The following DNAH6 variants were observed in gnomAD, a reference collection of about 807,000 sequenced individuals.
DNAH6 encodes the protein axonemal beta dynein heavy chain 6.
In DNAH6, 340 loss-of-function variants were observed where a neutral mutation model predicts 491.4. The observed-to-expected ratio is 0.69, with a 90% CI of 0.63 to 0.76. The LOEUF (loss-of-function observed/expected upper bound fraction) is 0.76. Ranked by LOEUF, DNAH6 falls within the 30% of genes least tolerant of loss-of-function variation. The pLI is 0.00. For missense variants in DNAH6, 4,443 were observed against 4,972.2 expected (o/e 0.89, Z 3.20); for synonymous variants, 1,603 against 1,686.1 (o/e 0.95, Z 1.21).
intron 37 of DNAH6, among the ~76,000 whole-genome samples, chr2:84,660,200 AAAC>A (rs1244113211): frequency 6.6e-6 from 1 of 152,186 alleles, no homozygotes; most frequent in African/African-American, 2.4e-5. Flanking sequence ...GGAAAATACA[AAAC>A]AACTATTTTA....
intron 67 of DNAH6, 86 bp from the exon 68 acceptor site, chr2:84,787,078 T>C: frequency 9.3e-7 from 1 of 1,075,620 alleles, no homozygotes; most frequent in African/African-American, 1.6e-5. Flanking sequence ...CCATTTTCAA[T>C]GGAAATTTCT....
intron 18 of DNAH6, among the ~76,000 whole-genome samples, chr2:84,600,289 C>T (rs58927357): frequency 0.041 from 6,186 of 152,158 alleles, 410 homozygotes; most frequent in African/African-American, 0.14. Flanking sequence ...CAAGGGTTCC[C>T]ATATACTCCA....
In DNAH6 at chr2:84,694,238, G is replaced by A. The variant is rs753572776; in HGVS notation, c.7293-11G>A. 1.4e-5 allele frequency: 21 copies of A among 1,550,248 alleles called. No individual in the cohort carries two copies. Among genetic ancestry groups the A allele is most frequent in the Non-Finnish European group, 1.7e-5 (19 of 1,145,668 alleles). On this transcript the variant is annotated splice_polypyrimidine_tract_variant and intron_variant, in intron 45 of 76. Coordinates refer to ENST00000389394, the MANE Select transcript of DNAH6 (RefSeq NM_001370.2). ...GAACTTGAAATAAACCCTCTGCTCT[G>A]ATGTTTGCAGGATTGCTCGGATGAT...
chr2:84,648,110 G>A (rs1690066895), intron 33 of DNAH6, among the ~76,000 whole-genome samples: 1 of 152,206 alleles, frequency 6.6e-6, no homozygotes, highest in African/African-American at 2.4e-5. Flanking sequence ...GCATGTTTAT[G>A]TAAAATTAAA....
intron 11 of DNAH6, among the ~76,000 whole-genome samples, chr2:84,565,475 G>A (rs1472740352): frequency 6.6e-6 from 1 of 151,732 alleles, no homozygotes; most frequent in Non-Finnish European, 1.5e-5. Flanking sequence ...TTTCTAATTC[G>A]TGTATATAGA....
At chr2:84,536,998 C>T (rs1208149319) in intron 4 of DNAH6, among the ~76,000 whole-genome samples, 1 of 151,922 alleles carries the variant, frequency 6.6e-6, no homozygotes, top group Non-Finnish European at 1.5e-5. Context: ...AATGTCTTCA[C>T]CAAGCCCCTG....
intron 32 of DNAH6, among the ~76,000 whole-genome samples, chr2:84,641,593 G>C (rs981075174): frequency 6.6e-6 from 1 of 152,156 alleles, no homozygotes; most frequent in African/African-American, 2.4e-5. Flanking sequence ...TTTCGCAGGG[G>C]AAATAAGAGC....
chr2:84,780,909 T>C (rs533921031), intron 64 of DNAH6, among the ~76,000 whole-genome samples: 3 of 152,320 alleles, frequency 2.0e-5, no homozygotes, highest in African/African-American at 7.2e-5. Context: ...TTGTAGCTAG[T>C]TTCCCACATT....
the DNAH6 span, among the ~76,000 whole-genome samples, chr2:84,470,664 G>A: frequency 6.6e-6 from 1 of 152,156 alleles, no homozygotes; most frequent in East Asian, 1.9e-4. Flanking sequence ...CCTGTATTTT[G>A]TGCTGACCTC....
At chr2:84,718,499 C>T (rs552888263) in intron 59 of DNAH6, 115 bp downstream of exon 59, 1 of 809,894 alleles carries the variant, frequency 1.2e-6, no homozygotes, top group East Asian at 3.2e-5. Context: ...CACTGGGCTT[C>T]CATGGACACA....
intron 18 of DNAH6, among the ~76,000 whole-genome samples, chr2:84,597,155 A>ATAT (rs1684672095): frequency 1.3e-5 from 2 of 152,210 alleles, no homozygotes; most frequent in African/African-American, 4.8e-5. Flanking sequence ...CTTTTACAGA[A>ATAT]TATTATATAA....
At chr2:84,573,437 C>A in intron 11 of DNAH6, 30 bp from the exon 12 acceptor site, 1 of 1,548,990 alleles carries the variant, frequency 6.5e-7, no homozygotes, top group South Asian at 1.3e-5. Context: ...AAAATATGGT[C>A]ATATTTGTCT....
At chr2:84,466,408 A>G in the DNAH6 span, among the ~76,000 whole-genome samples, 1 of 152,248 alleles carries the variant, frequency 6.6e-6, no homozygotes, top group Non-Finnish European at 1.5e-5. Context: ...GAATACTCTC[A>G]GTTTCCAAAT....
At chr2:84,547,219 T>C (rs1678871680) in intron 5 of DNAH6, 49 bp from the exon 6 acceptor site, 2 of 1,427,412 alleles carry the variant, frequency 1.4e-6, no homozygotes, top group Non-Finnish European at 1.9e-6. Context: ...TCTATACTTT[T>C]AAAATACAGA....
At chr2:84,738,168 C>T (rs747021951) in intron 62 of DNAH6, among the ~76,000 whole-genome samples, 1 of 152,046 alleles carries the variant, frequency 6.6e-6, no homozygotes, top group Non-Finnish European at 1.5e-5. Flanking sequence ...GAGAGATCTT[C>T]TGTGTATTGA....
At chr2:84,551,470 T>C (rs1301215187) in intron 9 of DNAH6, among the ~76,000 whole-genome samples, 1 of 152,224 alleles carries the variant, frequency 6.6e-6, no homozygotes, top group Non-Finnish European at 1.5e-5. Flanking sequence ...TATTATGAAA[T>C]ATTTCCAATG....
chr2:84,552,962 C>T lies in DNAH6; in HGVS notation c.1530C>T (p.Ile510=). 10 of 1,612,184 alleles carry T rather than the reference C, an allele frequency of 6.2e-6. No homozygotes were observed. Among genetic ancestry groups the T allele is most frequent in the Non-Finnish European group, 8.5e-6 (10 of 1,179,192 alleles). The change falls in exon 10 of 77, where the codon ATC becomes ATT. Residue 510 remains isoleucine (I), a synonymous_variant. Coordinates refer to ENST00000389394, the MANE Select transcript of DNAH6 (RefSeq NM_001370.2). ...AGCAAGAAGAAGATGAATCTCTCAT[C>T]CCCATGTTTCTCACAGAACTAATGT... ...VEKQEEDESL[I]PMFLTELMLT...
At chr2:84,596,829 T>C (rs971951313) in intron 18 of DNAH6, among the ~76,000 whole-genome samples, 12 of 152,230 alleles carry the variant, frequency 7.9e-5, no homozygotes, top group Admixed American at 3.9e-4. Context: ...TCAGCTTCTT[T>C]CTTTATTGCC....
chr2:84,674,229 G>A (rs902317109), intron 40 of DNAH6, among the ~76,000 whole-genome samples: 1 of 152,152 alleles, frequency 6.6e-6, no homozygotes, highest in Admixed American at 6.5e-5. Flanking sequence ...CAAGAGTATG[G>A]AGTAATGTGA....
Sources: gnomAD v4.1 joint callset for allele counts (sites outside exome capture counted in the v4.1 genomes callset) on GRCh38, gnomAD v4.1.1 for gene constraint, MANE v1.5 for transcripts, NCBI Gene and HGNC (gene_info 2026-07-23, HGNC 2026-07-21) for gene names.